The following CLASP2 variants were observed in gnomAD, a reference collection of about 807,000 sequenced individuals.
CLASP2 encodes CLIP-associating protein 2.
CLASP2 carries 47 observed loss-of-function variants against 194.4 expected under a neutral mutation model. That is an observed-to-expected ratio of 0.24 (90% CI 0.19 to 0.31). CLASP2 has a LOEUF of 0.31. Among genes scored for constraint, CLASP2 ranks in the 10% least tolerant of loss-of-function variants. The probability of loss-of-function intolerance (pLI) is 1.00; values close to 1 mark genes in which losing one functional copy is unlikely to be tolerated. For missense variants in CLASP2, 1,445 were observed against 1,823.6 expected (o/e 0.79, Z 3.78); for synonymous variants, 619 against 633.5 (o/e 0.98, Z 0.34).
At chr3:33,520,942 T>C (rs905061254) in intron 34 of CLASP2, among the ~76,000 whole-genome samples, 3 of 151,640 alleles carry the variant, frequency 2.0e-5, no homozygotes, top group South Asian at 4.2e-4. Context: ...GTCCAGATCT[T>C]AGCCTTTAAA....
chr3:33,548,752 C>A (rs574534433), intron 30 of CLASP2, among the ~76,000 whole-genome samples: 4 of 147,340 alleles, frequency 2.7e-5, no homozygotes, highest in Non-Finnish European at 6.0e-5. Flanking sequence ...GTAACGACTA[C>A]GGTTTCATTT....
chr3:33,645,819 A>G (rs2082171904), intron 7 of CLASP2, among the ~76,000 whole-genome samples: 1 of 152,164 alleles, frequency 6.6e-6, no homozygotes, highest in Admixed American at 6.6e-5. Flanking sequence ...AAGCCATAGA[A>G]ACCAAACAAA....
intron 24 of CLASP2, 33 bp from the exon 25 acceptor site, chr3:33,573,387 C>T (rs1324260678): frequency 3.7e-6 from 6 of 1,604,460 alleles, no homozygotes; most frequent in Non-Finnish European, 5.1e-6. Context: ...TTAGCAGTAG[C>T]CAAAAGAATA....
At chr3:33,611,166 G>C (rs975215955) in intron 13 of CLASP2, among the ~76,000 whole-genome samples, 1 of 152,062 alleles carries the variant, frequency 6.6e-6, no homozygotes, top group Non-Finnish European at 1.5e-5. Context: ...ACACAACCTT[G>C]CACAAAGGCT....
At chr3:33,691,543 AT>A (rs1334192462) in intron 2 of CLASP2, among the ~76,000 whole-genome samples, 3 of 152,212 alleles carry the variant, frequency 2.0e-5, no homozygotes, top group South Asian at 4.1e-4. Context: ...CATAAGAATC[AT>A]AAGTCTAATT....
rs1055122655 is a variant in CLASP2 at position 33,645,414 on chromosome 3, A to C, written c.716-511T>G. On this transcript the variant is annotated intron_variant, in intron 7 of 38. Coordinates refer to ENST00000682230, the MANE Select transcript of CLASP2 (RefSeq NM_001365631.1). The stretch of plus-strand genomic sequence containing the variant: ...GATACTAATCAAAGATTCTATCAAA[A>C]AAAGACAGAAACAACCACAGAACCA... 18 of 744,768 alleles carry C rather than the reference A, an allele frequency of 2.4e-5. No homozygotes were observed. In the African/African-American group the frequency reaches 3.1e-4, roughly 13 times the overall value. The allele number at this position is 744,768 out of a possible 1,614,324, so 46.1% of individuals were successfully genotyped here.
At chr3:33,617,063 G>A (rs1272864387) in intron 12 of CLASP2, among the ~76,000 whole-genome samples, 1 of 148,128 alleles carries the variant, frequency 6.8e-6, no homozygotes, top group Non-Finnish European at 1.5e-5. Flanking sequence ...AAAGGTTCTG[G>A]ATTAAGGTTG....
At chr3:33,609,629 T>A (rs2074670039) in intron 13 of CLASP2, among the ~76,000 whole-genome samples, 1 of 152,190 alleles carries the variant, frequency 6.6e-6, no homozygotes, top group Non-Finnish European at 1.5e-5. Context: ...TTGGTACCAA[T>A]ATTAGCCCAC....
chr3:33,679,677 C>G (rs943211362), intron 6 of CLASP2, among the ~76,000 whole-genome samples: 2 of 152,118 alleles, frequency 1.3e-5, no homozygotes, highest in African/African-American at 4.8e-5. Context: ...AAAATTAAAA[C>G]ATGATACCAC....
chr3:33,577,220 C>A, intron 23 of CLASP2: 1 of 1,597,682 alleles, frequency 6.3e-7, no homozygotes. Flanking sequence ...CCATACACTT[C>A]GGGGGCGTAG....
chr3:33,690,540 G>T (rs2091229885), intron 2 of CLASP2, among the ~76,000 whole-genome samples: 1 of 152,128 alleles, frequency 6.6e-6, no homozygotes, highest in Admixed American at 6.5e-5. Flanking sequence ...TCAAAAGCAA[G>T]AAAATTTGCC....
chr3:33,505,136 A>G (rs935088661), intron 37 of CLASP2: 1 of 152,014 alleles, frequency 6.6e-6, no homozygotes, highest in Non-Finnish European at 1.5e-5. Flanking sequence ...AATCTTTTCA[A>G]TAGACTCCAC....
rs541472841 is a variant in CLASP2, at chr3:33,684,829, G to A, written c.547-373C>T. Among the ~76,000 whole-genome samples, 308 of 149,592 alleles carry A rather than the reference G, an allele frequency of 2.1e-3. 3 individuals carry two copies. The highest frequency in any genetic ancestry group is 2.3e-3 in the Non-Finnish European group (157 of 67,466). ...AGTCTGGCCAACATGGTGAAACCCC[G>A]CCTCTACGAAAAATACAAAAACATT... On this transcript the variant is annotated intron_variant, in intron 5 of 38. Coordinates refer to ENST00000682230, the MANE Select transcript of CLASP2 (RefSeq NM_001365631.1).
intron 12 of CLASP2, among the ~76,000 whole-genome samples, chr3:33,613,819 A>G (rs2075638335): frequency 6.6e-6 from 1 of 152,146 alleles, no homozygotes; most frequent in Admixed American, 6.5e-5. Context: ...ACACTTCTCC[A>G]TTTTTCTTCT....
chr3:33,517,234 G>A, intron 34 of CLASP2, 60 bp from the exon 35 acceptor site: 2 of 1,298,048 alleles, frequency 1.5e-6, no homozygotes, highest in Non-Finnish European at 2.1e-6. Flanking sequence ...ACAAGTATGG[G>A]GATAACAACT....
At chr3:33,589,497 T>C (rs1487770072) in intron 21 of CLASP2, among the ~76,000 whole-genome samples, 1 of 152,126 alleles carries the variant, frequency 6.6e-6, no homozygotes, top group African/African-American at 2.4e-5. Flanking sequence ...GAAACTTGCA[T>C]ACAAATTACA....
intron 36 of CLASP2, among the ~76,000 whole-genome samples, chr3:33,511,751 T>TG (rs2049910972): frequency 1.5e-5 from 1 of 66,042 alleles, no homozygotes. Context: ...GCGAAGGACA[T>TG]GAACAGACAC....
At chr3:33,642,499 G>A (rs897842483) in intron 8 of CLASP2, among the ~76,000 whole-genome samples, 10 of 151,916 alleles carry the variant, frequency 6.6e-5, no homozygotes, top group African/African-American at 2.4e-4. Flanking sequence ...AGTTGATTAT[G>A]TCCATGTGTA....
chr3:33,701,563 T>C (rs997238364), intron 1 of CLASP2, among the ~76,000 whole-genome samples: 1 of 152,192 alleles, frequency 6.6e-6, no homozygotes, highest in Non-Finnish European at 1.5e-5. Context: ...ACCACTGCAC[T>C]CCAGCCTGGG....
Sources: allele counts gnomAD v4.1 joint callset (sites outside exome capture counted in the v4.1 genomes callset), GRCh38; gene constraint gnomAD v4.1.1; transcripts MANE v1.5; gene names NCBI Gene and HGNC (gene_info 2026-07-23, HGNC 2026-07-21).